The following HIBADH variants were observed in gnomAD, a reference collection of about 807,000 sequenced individuals.
HIBADH encodes the protein 3-hydroxyisobutyrate dehydrogenase, also known as 3-hydroxyisobutyrate dehydrogenase, mitochondrial.
A neutral mutation model predicts 36.1 loss-of-function variants in HIBADH; 25 were observed. That is an observed-to-expected ratio of 0.69 (90% CI 0.50 to 0.97). HIBADH has a LOEUF of 0.97. Among genes scored for constraint, HIBADH ranks in the 50% least tolerant of loss-of-function variants. The pLI is 0.00. For missense variants in HIBADH, 421 were observed against 418.0 expected, an observed-to-expected ratio of 1.01 and a Z score of -0.06; for synonymous variants, 160 against 149.5, an observed-to-expected ratio of 1.07 and a Z score of -0.51.
Position 27,562,700 on chromosome 7 carries a change from G to A in HIBADH, c.485-19600C>T, listed in dbSNP as rs541616386. 9.9e-5 allele frequency among the ~76,000 whole-genome samples: 15 copies of A among 152,214 alleles called. No individual in the cohort carries two copies. In the South Asian group the frequency reaches 2.3e-3, roughly 23 times the overall value. On this transcript the variant is annotated intron_variant, in intron 4 of 7. Transcript: ENST00000265395. The stretch of plus-strand genomic sequence containing the variant: ...CTCAAACTTCCGGGATCAAGTGATC[G>A]TCCTGTCTTGGCCTACCAAAGTGCT...
Position 27,629,370 on chromosome 7 carries a change from C to T in HIBADH, c.484+1G>A. On this transcript the variant is annotated splice_donor_variant, in intron 4 of 7. Transcript: ENST00000265395. LOFTEE classifies it high-confidence loss of function. ...TTGCATATATTTTAGCTACCACTTA[C>T]CACCAGAAACAGGGGCATCCATGAA... 6.2e-7 allele frequency: 1 copy of T among 1,609,086 alleles called. No homozygotes were observed. The highest frequency in any genetic ancestry group is 8.5e-7 in the Non-Finnish European group (1 of 1,177,706).
At chr7:27,611,476 C>T (rs901808213) in intron 4 of HIBADH, among the ~76,000 whole-genome samples, 2 of 148,794 alleles carry the variant, frequency 1.3e-5, no homozygotes, top group African/African-American at 5.0e-5. Context: ...ACTGTGGTAG[C>T]AGACCCACTG....
At chr7:27,571,663 A>C (rs1221215901) in intron 4 of HIBADH, among the ~76,000 whole-genome samples, 1 of 151,996 alleles carries the variant, frequency 6.6e-6, no homozygotes, top group African/African-American at 2.4e-5. Context: ...TGTGTCTGGT[A>C]ATTTTTTTTT....
intron 4 of HIBADH, among the ~76,000 whole-genome samples, chr7:27,574,524 T>TAAAC (rs1211851964): frequency 1.3e-5 from 2 of 152,176 alleles, no homozygotes; most frequent in African/African-American, 4.8e-5. Context: ...TTTTTATTTG[T>TAAAC]AAACAAACAA....
At chr7:27,527,918 G>GTTT (rs746260280) in intron 7 of HIBADH, among the ~76,000 whole-genome samples, 7 of 61,690 alleles carry the variant, frequency 1.1e-4, no homozygotes, top group Non-Finnish European at 1.2e-4. Flanking sequence ...CACACCCAGC[G>GTTT]TTTTTTTTTT....
intron 2 of HIBADH, among the ~76,000 whole-genome samples, chr7:27,637,390 C>T (rs1354622096): frequency 1.3e-5 from 2 of 152,200 alleles, no homozygotes; most frequent in East Asian, 1.9e-4. Context: ...TTATCAGTTA[C>T]GTTTTTTAAA....
intron 4 of HIBADH, among the ~76,000 whole-genome samples, chr7:27,566,341 C>A (rs1784548255): frequency 1.3e-5 from 2 of 151,502 alleles, no homozygotes; most frequent in Non-Finnish European, 1.5e-5. Flanking sequence ...TCTTTAATTT[C>A]TTTTTAAATA....
chr7:27,629,261 C>T, intron 4 of HIBADH, 110 bp downstream of exon 4: 3 of 1,054,060 alleles, frequency 2.8e-6, no homozygotes, highest in Non-Finnish European at 4.0e-6. Flanking sequence ...AATGAGAATC[C>T]TGTAACAAGT....
In HIBADH at chr7:27,531,237, C is replaced by G. The variant is rs147714836; in HGVS notation, c.807G>C (p.Ser269=). ...PVPGVMDGVP[S]ANNYQGGFGT... ...CAAATCCACCCTGATAGTTATTAGC[C>G]GAGGGAACGCCATCCATCACTCCAG... is the stretch of plus-strand genomic sequence containing the variant. Residue 269 remains serine, a synonymous_variant, in exon 7 of 8, where the codon TCG becomes TCC. Transcript: ENST00000265395. 6.2e-7 allele frequency: 1 copy of G among 1,613,732 alleles called. No individual in the cohort carries two copies. The highest frequency in any genetic ancestry group is 8.5e-7 in the Non-Finnish European group (1 of 1,179,884).
intron 2 of HIBADH, among the ~76,000 whole-genome samples, chr7:27,632,936 A>G (rs1341745668): frequency 6.6e-6 from 1 of 150,446 alleles, no homozygotes; most frequent in Non-Finnish European, 1.5e-5. Context: ...TTTTCAAGCA[A>G]AAAAAAAAGA....
intron 4 of HIBADH, among the ~76,000 whole-genome samples, chr7:27,602,171 GAA>G (rs35840171): frequency 4.5e-5 from 6 of 133,718 alleles, no homozygotes; most frequent in East Asian, 2.1e-4. Context: ...CTTCCTCACT[GAA>G]AAAAAAAAAA....
chr7:27,629,712 A>C (rs941920119), intron 3 of HIBADH, among the ~76,000 whole-genome samples: 5 of 152,176 alleles, frequency 3.3e-5, no homozygotes, highest in African/African-American at 1.2e-4. Context: ...AAGATCCAAA[A>C]AAAACCTAAT....
Position 27,662,833 on chromosome 7 carries a change from G to A in HIBADH, c.-45C>T, listed in dbSNP as rs202178618. 7.1e-7 allele frequency: 1 copy of A among 1,404,942 alleles called. No homozygotes were observed. The highest frequency in any genetic ancestry group is 3.0e-5 in the East Asian group (1 of 32,816). The allele number at this position is 1,404,942 out of a possible 1,614,324, so 87.0% of individuals were successfully genotyped here. On this transcript the variant is annotated 5_prime_UTR_variant, in exon 1 of 8. Transcript: ENST00000265395. ...CCGCGGTGACCTCCGCCGCCTCCCGGAGGGCCCACAGACTGCGAGCGTGTG... is the reference window on the plus strand; with the variant it reads ...CCGCGGTGACCTCCGCCGCCTCCCGAAGGGCCCACAGACTGCGAGCGTGTG...
intron 4 of HIBADH, among the ~76,000 whole-genome samples, chr7:27,604,300 C>T (rs560445003): frequency 1.3e-5 from 2 of 152,118 alleles, no homozygotes; most frequent in South Asian, 4.2e-4. Flanking sequence ...GTATGCATAT[C>T]ATTACATGAG....
At chr7:27,580,984 T>C (rs1023112377) in intron 4 of HIBADH, among the ~76,000 whole-genome samples, 1 of 152,168 alleles carries the variant, frequency 6.6e-6, no homozygotes, top group Non-Finnish European at 1.5e-5. Flanking sequence ...TGGAAGTTCT[T>C]TCACGACTGT....
intron 4 of HIBADH, among the ~76,000 whole-genome samples, chr7:27,618,852 G>C (rs1318253896): frequency 6.6e-6 from 1 of 152,098 alleles, no homozygotes; most frequent in Non-Finnish European, 1.5e-5. Context: ...AGAGAAGGGG[G>C]AAGGTGCCAC....
intron 4 of HIBADH, among the ~76,000 whole-genome samples, chr7:27,590,089 T>C (rs1461437917): frequency 3.3e-5 from 5 of 152,186 alleles, no homozygotes; most frequent in Non-Finnish European, 7.3e-5. Flanking sequence ...AAAATCTCAT[T>C]TGATTTTCAC....
intron 2 of HIBADH, among the ~76,000 whole-genome samples, chr7:27,640,566 G>C (rs180828676): frequency 6.6e-6 from 1 of 152,294 alleles, no homozygotes; most frequent in Non-Finnish European, 1.5e-5. Flanking sequence ...TGTAACATCT[G>C]CTAATCGTAT....
intron 2 of HIBADH, among the ~76,000 whole-genome samples, chr7:27,644,914 T>C (rs1363785609): frequency 1.3e-5 from 2 of 152,212 alleles, no homozygotes. Context: ...AAGTCTATAG[T>C]ATGTGGTTTT....
Sources: gnomAD v4.1 joint callset for allele counts (sites outside exome capture counted in the v4.1 genomes callset) on GRCh38, gnomAD v4.1.1 for gene constraint, MANE v1.5 for transcripts, NCBI Gene and HGNC (gene_info 2026-07-23, HGNC 2026-07-21) for gene names.